Variants in PCSK6 observed in about 807,000 individuals in gnomAD.
The protein encoded by PCSK6 is proprotein convertase subtilisin/kexin type 6.
In PCSK6, 85 loss-of-function variants were observed where a neutral mutation model predicts 123.3. The ratio of observed to expected loss-of-function variants is 0.69; its 90% CI spans 0.58 to 0.83. The LOEUF (loss-of-function observed/expected upper bound fraction) is 0.83. Among genes scored for constraint, PCSK6 ranks in the 40% least tolerant of loss-of-function variants. The pLI is 0.00. For synonymous variants in PCSK6, 508 were observed against 516.0 expected, an observed-to-expected ratio of 0.98 and a Z score of 0.21; for missense variants, 1,191 against 1,282.3, an observed-to-expected ratio of 0.93 and a Z score of 1.09.
intron 13 of PCSK6, chr15:101,347,056 G>C: frequency 3.2e-6 from 4 of 1,231,644 alleles, no homozygotes; most frequent in Non-Finnish European, 3.0e-6. Flanking sequence ...TGTGTATGGT[G>C]ACTGTTTGGA....
rs200844055 is a variant in PCSK6, at chr15:101,307,378, C to T, written c.2700-53G>A. The T allele has an allele frequency of 4.9e-4, 662 of 1,353,728 alleles. 6 individuals carry two copies. Among genetic ancestry groups the T allele is most frequent in the South Asian group, 1.9e-3 (153 of 81,358 alleles). 83.9% of individuals were successfully genotyped at this position (1,353,728 alleles called of 1,614,324 possible). On this transcript the variant is annotated intron_variant, in intron 20 of 21. Coordinates refer to ENST00000611716, the MANE Select transcript of PCSK6 (RefSeq NM_002570.5). Reference sequence around the variant, plus strand: ...GTCTGGGGAAGAGGCTCCACCACTCCGGGCTCCCTTCCCAGAACCCTCACC... The same window carrying T: ...GTCTGGGGAAGAGGCTCCACCACTCTGGGCTCCCTTCCCAGAACCCTCACC...
chr15:101,424,170 G>C (rs1363822391), intron 6 of PCSK6, among the ~76,000 whole-genome samples: 1 of 151,840 alleles, frequency 6.6e-6, no homozygotes, highest in Admixed American at 6.6e-5. Flanking sequence ...AGGAGTTTAA[G>C]GCTGCAGTGA....
intron 1 of PCSK6, among the ~76,000 whole-genome samples, chr15:101,470,820 G>T (rs144161327): frequency 1.4e-4 from 21 of 152,288 alleles, no homozygotes; most frequent in African/African-American, 5.1e-4. Context: ...GACATAGGAC[G>T]CCTGTCCGTT....
At chr15:101,427,667 G>A (rs530849386) in intron 6 of PCSK6, among the ~76,000 whole-genome samples, 42 of 152,358 alleles carry the variant, frequency 2.8e-4, no homozygotes, top group Non-Finnish European at 5.0e-4. Context: ...GAACTGCAAT[G>A]GCTTTTCAGG....
At chr15:101,394,790 C>T (rs891983900) in intron 7 of PCSK6, among the ~76,000 whole-genome samples, 2 of 152,204 alleles carry the variant, frequency 1.3e-5, no homozygotes, top group South Asian at 2.1e-4. Context: ...ACCAAGGAGA[C>T]TCCAGCTCCA....
At position 101,489,421 on chromosome 15, in the gene PCSK6, C is replaced by A; in HGVS notation, c.250G>T (p.Glu84Ter). ...WAVQVLGGPA[E>*]ADRVAAAHGY... ...TGCGCCGCCGCCACGCGGTCCGCCTCGGCCGGGCCGCCCAGCACTTGCACC... is the reference window on the plus strand; with the variant it reads ...TGCGCCGCCGCCACGCGGTCCGCCTAGGCCGGGCCGCCCAGCACTTGCACC... Residue 84 changes from glutamate (E) to a stop codon, truncating the protein, a stop_gained, in exon 1 of 22, where the codon GAG becomes TAG. Transcript: ENST00000611716. LOFTEE classifies it high-confidence loss of function. 7.8e-7 allele frequency: 1 copy of A among 1,280,502 alleles called. No individual in the cohort carries two copies. Among genetic ancestry groups the A allele is most frequent in the South Asian group, 1.5e-5 (1 of 66,802 alleles). 79.3% of individuals were successfully genotyped at this position (1,280,502 alleles called of 1,614,324 possible).
At chr15:101,464,920 G>T (rs4965388) in intron 1 of PCSK6, among the ~76,000 whole-genome samples, 109,186 of 152,038 alleles carry the variant, frequency 0.72, 40,287 homozygotes, top group Non-Finnish European at 0.82. Flanking sequence ...GGCCAGCGGC[G>T]GGCATACCAG....
intron 1 of PCSK6, among the ~76,000 whole-genome samples, chr15:101,461,449 C>A (rs1271672810): frequency 2.6e-5 from 4 of 152,134 alleles, no homozygotes; most frequent in Admixed American, 2.6e-4. Flanking sequence ...ATAGATCATC[C>A]CAGTCTTAAA....
At chr15:101,311,077 G>A (rs888138358) in intron 20 of PCSK6, among the ~76,000 whole-genome samples, 1 of 152,044 alleles carries the variant, frequency 6.6e-6, no homozygotes, top group East Asian at 1.9e-4. Context: ...GAGTTCATGT[G>A]AGAGCTGCTT....
At chr15:101,457,731 C>T (rs903551) in intron 1 of PCSK6, among the ~76,000 whole-genome samples, 129,983 of 152,186 alleles carry the variant, frequency 0.85, 56,115 homozygotes, top group African/African-American at 0.94. Context: ...GGAGCTGTGC[C>T]GGGGACAGCC....
intron 12 of PCSK6, among the ~76,000 whole-genome samples, chr15:101,370,103 A>C (rs1470717772): frequency 6.6e-6 from 1 of 152,234 alleles, no homozygotes; most frequent in Non-Finnish European, 1.5e-5. Flanking sequence ...TCTGAAAAGG[A>C]AAGTTTTCCA....
At chr15:101,482,824 G>A (rs1434579900) in intron 1 of PCSK6, among the ~76,000 whole-genome samples, 1 of 152,188 alleles carries the variant, frequency 6.6e-6, no homozygotes, top group African/African-American at 2.4e-5. Context: ...CCCTGCACCT[G>A]CTCAGTCCTG....
chr15:101,407,587 G>A (rs1039853885), intron 6 of PCSK6, among the ~76,000 whole-genome samples: 2 of 152,174 alleles, frequency 1.3e-5, no homozygotes, highest in Non-Finnish European at 2.9e-5. Flanking sequence ...CAGGTGTCAG[G>A]CAGCTAGGGA....
intron 1 of PCSK6, among the ~76,000 whole-genome samples, chr15:101,464,752 C>T (rs2057417250): frequency 1.3e-5 from 2 of 152,262 alleles, no homozygotes; most frequent in South Asian, 4.2e-4. Context: ...TGGAGCTGGT[C>T]TCCTCACCAA....
chr15:101,422,244 G>C (rs1440895193), intron 6 of PCSK6, among the ~76,000 whole-genome samples: 2 of 152,084 alleles, frequency 1.3e-5, no homozygotes, highest in Non-Finnish European at 2.9e-5. Context: ...TTTCAGAAAG[G>C]AGAGATCTAC....
chr15:101,313,306 C>T (rs2039911132), intron 20 of PCSK6, 70 bp downstream of exon 20: 1 of 1,611,140 alleles, frequency 6.2e-7, no homozygotes, highest in African/African-American at 1.3e-5. Context: ...AAGATGCTGC[C>T]AGACTCTGCC....
intron 12 of PCSK6, among the ~76,000 whole-genome samples, chr15:101,369,245 T>C (rs987521008): frequency 3.9e-5 from 6 of 152,242 alleles, no homozygotes; most frequent in Admixed American, 1.3e-4. Flanking sequence ...CCTGTCTACC[T>C]TGCATTGCTG....
chr15:101,358,037 T>C (rs1038598871), intron 13 of PCSK6, among the ~76,000 whole-genome samples: 16 of 152,136 alleles, frequency 1.1e-4, no homozygotes, highest in Non-Finnish European at 2.2e-4. Context: ...GGGCAGGTCA[T>C]CGCTGAGGAC....
chr15:101,457,499 T>C (rs1005626229), intron 1 of PCSK6, among the ~76,000 whole-genome samples: 1 of 152,230 alleles, frequency 6.6e-6, no homozygotes, highest in Non-Finnish European at 1.5e-5. Context: ...TAGTATTTCT[T>C]AAAGAAAAGA....
Sources: allele counts gnomAD v4.1 joint callset (sites outside exome capture counted in the v4.1 genomes callset), GRCh38; gene constraint gnomAD v4.1.1; transcripts MANE v1.5; gene names NCBI Gene and HGNC (gene_info 2026-07-23, HGNC 2026-07-21).